The following MTMR8 variants were observed in gnomAD, a reference collection of about 807,000 sequenced individuals.
The protein encoded by MTMR8 is myotubularin related protein 8.
MTMR8 carries 65 observed loss-of-function variants against 39.3 expected under a neutral mutation model. That is an observed-to-expected ratio of 1.65 (90% CI 1.35 to 2.03). MTMR8 has a LOEUF of 2.03. Among genes scored for constraint, MTMR8 ranks in the 30% most tolerant of loss-of-function variants. The pLI, the probability that MTMR8 is intolerant of heterozygous loss-of-function variation, is 0.00. For synonymous variants in MTMR8, 245 were observed against 185.2 expected (o/e 1.32, Z -2.62); for missense variants, 777 against 538.9 (o/e 1.44, Z -4.37).
At chrX:64,318,007 A>T (rs763010278) in intron 12 of MTMR8, among the ~76,000 whole-genome samples, 1 of 112,357 alleles carries the variant, frequency 8.9e-6, no homozygotes, top group Non-Finnish European at 1.9e-5. Context: ...TGTGACCTCC[A>T]ATGACAACAC....
At chrX:64,319,128 C>G (rs1345412441) in intron 12 of MTMR8, among the ~76,000 whole-genome samples, 1 of 112,397 alleles carries the variant, frequency 8.9e-6, no homozygotes, top group African/African-American at 3.2e-5. Flanking sequence ...ATGAAAAATA[C>G]CTATCATTGG....
chrX:64,295,105 T>C (rs1338635178), intron 12 of MTMR8, among the ~76,000 whole-genome samples: 1 of 110,205 alleles, frequency 9.1e-6, no homozygotes, highest in African/African-American at 3.3e-5. Flanking sequence ...CCTCCAATAT[T>C]TGCTACTGAG....
intron 1 of MTMR8, among the ~76,000 whole-genome samples, chrX:64,386,318 G>A (rs915486686): frequency 1.8e-5 from 2 of 111,826 alleles, no homozygotes; most frequent in Admixed American, 9.5e-5. Context: ...CTAAAGGGTG[G>A]CTGGAGAAGC....
chrX:64,323,157 C>G (rs190291217), intron 12 of MTMR8, among the ~76,000 whole-genome samples: 77 of 112,415 alleles, frequency 6.8e-4, no homozygotes, highest in African/African-American at 2.4e-3. Context: ...TACTTACCAA[C>G]CAGGCATACC....
At chrX:64,344,149 AT>A (rs1197437321) in intron 7 of MTMR8, among the ~76,000 whole-genome samples, 2 of 111,499 alleles carry the variant, frequency 1.8e-5, no homozygotes, top group Non-Finnish European at 3.8e-5. Context: ...GAAAAAAAAA[AT>A]ACCAGTTAAT....
At chrX:64,373,839 A>G (rs1011382138) in intron 1 of MTMR8, among the ~76,000 whole-genome samples, 4 of 111,444 alleles carry the variant, frequency 3.6e-5, no homozygotes, top group Non-Finnish European at 7.5e-5. Context: ...TAATAATGGG[A>G]ACTTCCTGCC....
intron 12 of MTMR8, among the ~76,000 whole-genome samples, chrX:64,275,482 G>T (rs1045049873): frequency 9.2e-6 from 1 of 109,020 alleles, no homozygotes; most frequent in African/African-American, 3.3e-5. Flanking sequence ...AACTGTTTGA[G>T]GCCAGGAGTT....
intron 12 of MTMR8, among the ~76,000 whole-genome samples, chrX:64,325,845 A>G (rs1302664644): frequency 3.6e-5 from 4 of 111,806 alleles, no homozygotes; most frequent in Admixed American, 9.5e-5. Flanking sequence ...AGGAAGTTAA[A>G]CTATCCCTGG....
intron 1 of MTMR8, among the ~76,000 whole-genome samples, chrX:64,371,322 A>T (rs1340020105): frequency 8.9e-6 from 1 of 112,486 alleles, no homozygotes; most frequent in Non-Finnish European, 1.9e-5. Flanking sequence ...GATGAGTTAA[A>T]TTTCACTAGT....
At chrX:64,361,823 A>G (rs189871508) in intron 1 of MTMR8, among the ~76,000 whole-genome samples, 1 of 111,089 alleles carries the variant, frequency 9.0e-6, no homozygotes, top group East Asian at 2.8e-4. Context: ...CTGGCTAAAT[A>G]CTATGAGGAA....
Position 64,268,248 on chromosome X carries a change from G to A in MTMR8, c.*289C>T. The A allele has an allele frequency of 3.2e-6, 1 of 309,087 alleles. No individual in the cohort carries two copies. The highest frequency in any genetic ancestry group is 5.6e-6 in the Non-Finnish European group (1 of 177,793). The allele number at this position is 309,087 out of a possible 1,213,427, so 25.5% of individuals were successfully genotyped here. ...GGCAGGTCGATCATTAAGGAAAACAGACAGTAGAACCAGCTTAATATGTGT... is the reference window on the plus strand; with the variant it reads ...GGCAGGTCGATCATTAAGGAAAACAAACAGTAGAACCAGCTTAATATGTGT... On this transcript the variant is annotated 3_prime_UTR_variant, in exon 14 of 14. Coordinates refer to ENST00000374852, the MANE Select transcript of MTMR8 (RefSeq NM_017677.4).
intron 8 of MTMR8, among the ~76,000 whole-genome samples, chrX:64,338,525 G>A (rs1569223863): frequency 8.9e-6 from 1 of 112,185 alleles, no homozygotes; most frequent in South Asian, 3.7e-4. Context: ...AATGACTCAG[G>A]CTAAGCTGGA....
chrX:64,364,911 C>A (rs1923903071), intron 1 of MTMR8, among the ~76,000 whole-genome samples: 1 of 111,225 alleles, frequency 9.0e-6, no homozygotes, highest in African/African-American at 3.3e-5. Context: ...GTAGAGAAGA[C>A]CTTAAATGAC....
intron 1 of MTMR8, among the ~76,000 whole-genome samples, chrX:64,376,540 C>T (rs113641034): frequency 0.013 from 1,457 of 111,754 alleles, 18 homozygotes; most frequent in African/African-American, 0.042. Context: ...GGGTATGTGG[C>T]GGAATAAATT....
intron 12 of MTMR8, among the ~76,000 whole-genome samples, chrX:64,300,419 C>A (rs959974189): frequency 9.0e-6 from 1 of 110,531 alleles, no homozygotes; most frequent in African/African-American, 3.3e-5. Flanking sequence ...TTTTGTTTTC[C>A]ATTTGCTTGG....
At chrX:64,343,780 G>T in intron 7 of MTMR8, 60 bp from the exon 8 acceptor site, 1 of 787,524 alleles carries the variant, frequency 1.3e-6, no homozygotes, top group Non-Finnish European at 1.9e-6. Context: ...ATTCATTAAG[G>T]GGAGAAAGTG....
At chrX:64,362,471 GAAAAAAAAAAA>G (rs760545171) in intron 1 of MTMR8, among the ~76,000 whole-genome samples, 65 of 5,484 alleles carry the variant, frequency 0.012, no homozygotes, top group East Asian at 0.021. Flanking sequence ...TACTATTGCA[GAAAAAAAAAAA>G]AAAAAAAAAA....
intron 1 of MTMR8, among the ~76,000 whole-genome samples, chrX:64,386,452 A>G (rs1035108482): frequency 9.0e-6 from 1 of 111,390 alleles, no homozygotes; most frequent in Non-Finnish European, 1.9e-5. Flanking sequence ...GATAAATGAA[A>G]AAGAACTCTC....
At chrX:64,382,127 C>T (rs1924443218) in intron 1 of MTMR8, among the ~76,000 whole-genome samples, 1 of 111,368 alleles carries the variant, frequency 9.0e-6, no homozygotes, top group South Asian at 3.8e-4. Context: ...GTAGTTTTTC[C>T]AATTCTGTGA....
Sources: allele counts gnomAD v4.1 joint callset (sites outside exome capture counted in the v4.1 genomes callset), GRCh38; gene constraint gnomAD v4.1.1; transcripts MANE v1.5; gene names NCBI Gene and HGNC (gene_info 2026-07-23, HGNC 2026-07-21).